YY1: variants seen among roughly 807,000 people sequenced by gnomAD.
YY1 encodes the protein YY1 transcription factor, also known as transcriptional repressor protein YY1.
YY1 carries 2 observed loss-of-function variants against 35.6 expected under a neutral mutation model. That is an observed-to-expected ratio of 0.06 (90% CI 0.02 to 0.18). The LOEUF (loss-of-function observed/expected upper bound fraction) is 0.18. YY1 is among the 10% of genes least tolerant of loss of function. The pLI, the probability that YY1 is intolerant of heterozygous loss-of-function variation, is 1.00. For missense variants in YY1, 322 were observed against 573.4 expected, an observed-to-expected ratio of 0.56 and a Z score of 4.48; for synonymous variants, 268 against 238.9, an observed-to-expected ratio of 1.12 and a Z score of -1.12.
At chr14:100,246,038 A>G (rs1890827684) in intron 1 of YY1, among the ~76,000 whole-genome samples, 4 of 152,234 alleles carry the variant, frequency 2.6e-5, no homozygotes, top group Admixed American at 1.3e-4. Context: ...TGATTTTAAA[A>G]TCTTGAGATT....
intron 2 of YY1, among the ~76,000 whole-genome samples, chr14:100,271,722 G>A (rs369100511): frequency 1.3e-5 from 2 of 151,670 alleles, no homozygotes; most frequent in East Asian, 1.9e-4. Context: ...AAGTTGGATC[G>A]CAGCCTCAAA....
chr14:100,270,709 C>T (rs1285265042), intron 2 of YY1, among the ~76,000 whole-genome samples: 1 of 152,070 alleles, frequency 6.6e-6, no homozygotes, highest in Non-Finnish European at 1.5e-5. Context: ...TAAAGTCTAC[C>T]CCCCTTTTAG....
In YY1 at chr14:100,280,868, C is replaced by T. The variant is rs1393528371; in HGVS notation, c.*3268C>T. ...CAAAACTTACTGTGGAGACGTGTCC[C>T]AGACTGGTCTCAGACCAGAGTTTGT... On this transcript the variant is annotated 3_prime_UTR_variant, in exon 5 of 5. Transcript: ENST00000262238. 1 of 151,950 alleles carries T rather than the reference C, an allele frequency of 6.6e-6. No individual in the cohort carries two copies. Among genetic ancestry groups the T allele is most frequent in the Non-Finnish European group, 1.5e-5 (1 of 68,022 alleles). The allele number at this position is 151,950 out of a possible 1,614,324, so 9.4% of individuals were successfully genotyped here. A position where few individuals can be genotyped will look rare whatever the true frequency, so the allele number is the denominator to read the frequency against.
chr14:100,261,013 C>G (rs907830742), intron 1 of YY1, among the ~76,000 whole-genome samples: 11 of 150,388 alleles, frequency 7.3e-5, no homozygotes, highest in Non-Finnish European at 1.2e-4. Flanking sequence ...CCAGGCTGGT[C>G]TAGGAACTTC....
At chr14:100,241,790 A>G (rs1355920015) in intron 1 of YY1, among the ~76,000 whole-genome samples, 1 of 152,124 alleles carries the variant, frequency 6.6e-6, no homozygotes, top group Non-Finnish European at 1.5e-5. Context: ...GCTGGCCATC[A>G]TAGTGAAACC....
At chr14:100,268,026 C>G (rs1238882529) in intron 2 of YY1, among the ~76,000 whole-genome samples, 1 of 152,162 alleles carries the variant, frequency 6.6e-6, no homozygotes, top group Non-Finnish European at 1.5e-5. Flanking sequence ...ACAGAGGCAC[C>G]AAGAGTTTTA....
intron 1 of YY1, among the ~76,000 whole-genome samples, chr14:100,241,284 C>T (rs987935858): frequency 2.6e-5 from 4 of 152,140 alleles, no homozygotes; most frequent in African/African-American, 7.2e-5. Context: ...TTCATAAATT[C>T]TCAGAACTGA....
intron 1 of YY1, among the ~76,000 whole-genome samples, chr14:100,242,508 C>T (rs556546264): frequency 1.3e-4 from 19 of 150,644 alleles, no homozygotes; most frequent in Non-Finnish European, 2.7e-4. Flanking sequence ...CCTGCCTCAC[C>T]CTCCCGAGTA....
intron 1 of YY1, among the ~76,000 whole-genome samples, chr14:100,251,737 TCCTC>T (rs1345941247): frequency 6.6e-6 from 1 of 152,156 alleles, no homozygotes; most frequent in African/African-American, 2.4e-5. Context: ...GTGGTATCCT[TCCTC>T]CCTCCCTCCC....
intron 1 of YY1, among the ~76,000 whole-genome samples, chr14:100,260,550 G>T (rs1389258887): frequency 1.3e-5 from 2 of 148,476 alleles, no homozygotes; most frequent in African/African-American, 2.5e-5. Context: ...TCTGCTCACT[G>T]CAAGCTCTGC....
chr14:100,257,612 A>G (rs1891022838), intron 1 of YY1, among the ~76,000 whole-genome samples: 1 of 150,668 alleles, frequency 6.6e-6, no homozygotes, highest in African/African-American at 2.5e-5. Flanking sequence ...GGTTCTCTCT[A>G]TGCTATGTGA....
At chr14:100,263,736 T>G (rs1036182403) in intron 2 of YY1, 3 of 152,128 alleles carry the variant, frequency 2.0e-5, no homozygotes, top group African/African-American at 7.2e-5. Flanking sequence ...TTTTTTTCTT[T>G]TGAGAGCAGA....
intron 1 of YY1, among the ~76,000 whole-genome samples, chr14:100,253,564 T>A (rs1047872024): frequency 3.3e-5 from 5 of 152,036 alleles, no homozygotes; most frequent in African/African-American, 1.2e-4. Context: ...ATTACAGGTA[T>A]GTGCCACCAT....
intron 2 of YY1, among the ~76,000 whole-genome samples, chr14:100,271,103 C>T (rs1419116490): frequency 2.0e-5 from 3 of 151,946 alleles, no homozygotes; most frequent in Admixed American, 6.6e-5. Context: ...AAATATTAGC[C>T]GGGCATAGTG....
At chr14:100,261,647 A>G (rs1891087927) in intron 1 of YY1, among the ~76,000 whole-genome samples, 1 of 152,188 alleles carries the variant, frequency 6.6e-6, no homozygotes, top group African/African-American at 2.4e-5. Flanking sequence ...ATTTTAGTCA[A>G]TGGAAATTGC....
At chr14:100,258,170 A>G (rs1020437392) in intron 1 of YY1, among the ~76,000 whole-genome samples, 5 of 152,022 alleles carry the variant, frequency 3.3e-5, no homozygotes, top group African/African-American at 1.2e-4. Flanking sequence ...CATGAGGACA[A>G]ATAGCTCCCT....
intron 2 of YY1, among the ~76,000 whole-genome samples, chr14:100,269,772 A>T (rs993125229): frequency 6.6e-6 from 1 of 152,152 alleles, no homozygotes; most frequent in Admixed American, 6.5e-5. Context: ...GTCCAAGGGT[A>T]TTTGTCCAAA....
intron 1 of YY1, among the ~76,000 whole-genome samples, chr14:100,247,377 T>G (rs1158586107): frequency 6.6e-6 from 1 of 151,834 alleles, no homozygotes; most frequent in Non-Finnish European, 1.5e-5. Context: ...GAATTTTTCT[T>G]TTTTTCTTTT....
At chr14:100,266,947 G>A (rs1300636622) in intron 2 of YY1, among the ~76,000 whole-genome samples, 1 of 152,144 alleles carries the variant, frequency 6.6e-6, no homozygotes, top group African/African-American at 2.4e-5. Context: ...ACATCAGAAG[G>A]AAGATTTCCT....
Sources: gnomAD v4.1 joint callset for allele counts (sites outside exome capture counted in the v4.1 genomes callset) on GRCh38, gnomAD v4.1.1 for gene constraint, MANE v1.5 for transcripts, NCBI Gene and HGNC (gene_info 2026-07-23, HGNC 2026-07-21) for gene names.